Variants in CTNNA3 observed in about 807,000 individuals in gnomAD.
CTNNA3 encodes the protein catenin alpha-3.
Under a neutral mutation model 95.7 loss-of-function variants are expected in CTNNA3, and 76 were observed. That is an observed-to-expected ratio of 0.79 (90% confidence interval 0.66 to 0.96). The LOEUF (loss-of-function observed/expected upper bound fraction) is 0.96, where lower values mean the gene tolerates loss of function less well. Among genes scored for constraint, CTNNA3 ranks in the 40% least tolerant of loss-of-function variants. The probability of loss-of-function intolerance (pLI) is 0.00; values close to 1 mark genes in which losing one functional copy is unlikely to be tolerated. For synonymous variants in CTNNA3, 431 were observed against 374.4 expected (o/e 1.15, Z -1.74); for missense variants, 1,191 against 1,089.8 (o/e 1.09, Z -1.31).
At chr10:65,963,565 T>A (rs770554112) in intron 17 of CTNNA3, among the ~76,000 whole-genome samples, 4 of 152,224 alleles carry the variant, frequency 2.6e-5, no homozygotes, top group Non-Finnish European at 4.4e-5. Context: ...TGTTGTATGG[T>A]TTATTACAGT....
At chr10:66,198,480 G>A (rs978171406) in intron 13 of CTNNA3, among the ~76,000 whole-genome samples, 11 of 152,054 alleles carry the variant, frequency 7.2e-5, no homozygotes, top group Non-Finnish European at 1.0e-4. Context: ...ACATAGATGA[G>A]TATCACTTAG....
intron 7 of CTNNA3, among the ~76,000 whole-genome samples, chr10:67,086,878 C>A (rs1857342085): frequency 6.6e-6 from 1 of 151,730 alleles, no homozygotes; most frequent in African/African-American, 2.4e-5. Flanking sequence ...AAACCTAGAC[C>A]AAAAACATTA....
At chr10:67,305,365 AAAAAAAAAAAATT>A (rs1840505674) in intron 5 of CTNNA3, among the ~76,000 whole-genome samples, 1 of 31,876 alleles carries the variant, frequency 3.1e-5, no homozygotes, top group African/African-American at 2.3e-4. Flanking sequence ...AGAGTATAAT[AAAAAAAAAAAATT>A]AAAAAAAAAA....
chr10:67,521,287 T>C (rs1033010229), intron 5 of CTNNA3, among the ~76,000 whole-genome samples: 1 of 152,210 alleles, frequency 6.6e-6, no homozygotes, highest in Non-Finnish European at 1.5e-5. Context: ...TCTCTATTTA[T>C]CTAGGGGCCT....
chr10:66,074,466 T>C (rs2080507800), intron 14 of CTNNA3, among the ~76,000 whole-genome samples: 1 of 151,822 alleles, frequency 6.6e-6, no homozygotes, highest in Non-Finnish European at 1.5e-5. Context: ...TTCAACACAC[T>C]GTACCCTCAA....
At chr10:67,631,900 T>C (rs762248889) in intron 2 of CTNNA3, among the ~76,000 whole-genome samples, 5 of 152,184 alleles carry the variant, frequency 3.3e-5, no homozygotes, top group Non-Finnish European at 5.9e-5. Flanking sequence ...ATCTCACTTA[T>C]ATGTGAAATC....
intron 13 of CTNNA3, among the ~76,000 whole-genome samples, chr10:66,142,751 A>C (rs918601565): frequency 1.3e-5 from 2 of 152,128 alleles, no homozygotes; most frequent in Non-Finnish European, 2.9e-5. Flanking sequence ...ACCACAATGC[A>C]TAATACTTGT....
chr10:66,583,312 TTG>T (rs1843254225), intron 10 of CTNNA3, among the ~76,000 whole-genome samples: 1 of 151,012 alleles, frequency 6.6e-6, no homozygotes, highest in African/African-American at 2.4e-5. Context: ...GTTGTTGTTG[TTG>T]TTGTTGTTGT....
chr10:67,337,064 T>C (rs1368876336), intron 5 of CTNNA3, among the ~76,000 whole-genome samples: 1 of 152,154 alleles, frequency 6.6e-6, no homozygotes, highest in Non-Finnish European at 1.5e-5. Flanking sequence ...GCCTTATTAT[T>C]TAATAAATAC....
At chr10:67,422,815 T>C (rs1181135812) in intron 5 of CTNNA3, among the ~76,000 whole-genome samples, 2 of 152,170 alleles carry the variant, frequency 1.3e-5, no homozygotes, top group South Asian at 4.1e-4. Flanking sequence ...CCATTCAACC[T>C]CTTTTCTTCA....
chr10:65,923,824 A>G (rs2077125461), intron 17 of CTNNA3, among the ~76,000 whole-genome samples: 1 of 152,220 alleles, frequency 6.6e-6, no homozygotes, highest in Non-Finnish European at 1.5e-5. Flanking sequence ...GTAACACTAC[A>G]GAAAGGGCCA....
chr10:67,503,161 G>A (rs557685031), intron 5 of CTNNA3, among the ~76,000 whole-genome samples: 3 of 152,298 alleles, frequency 2.0e-5, no homozygotes, highest in African/African-American at 7.2e-5. Context: ...CATAGTGTCT[G>A]GGCCGGAATG....
chr10:66,601,842 C>T (rs762574235), intron 10 of CTNNA3, among the ~76,000 whole-genome samples: 2 of 151,790 alleles, frequency 1.3e-5, no homozygotes, highest in Non-Finnish European at 2.9e-5. Flanking sequence ...AGATCGTCGC[C>T]CCAACCAGCT....
chr10:66,258,889 C>T (rs1183265155), intron 13 of CTNNA3, among the ~76,000 whole-genome samples: 1 of 152,122 alleles, frequency 6.6e-6, no homozygotes, highest in Non-Finnish European at 1.5e-5. Context: ...CTTTTCTGTA[C>T]AGGAATGCGG....
intron 13 of CTNNA3, among the ~76,000 whole-genome samples, chr10:66,237,565 T>TTC: frequency 6.7e-6 from 1 of 149,576 alleles, no homozygotes; most frequent in Non-Finnish European, 1.5e-5. Flanking sequence ...GTTTTGTGAT[T>TTC]TTTTTTTTTA....
intron 5 of CTNNA3, among the ~76,000 whole-genome samples, chr10:67,296,934 CAAAAA>C (rs1210482029): frequency 6.8e-4 from 12 of 17,664 alleles, no homozygotes; most frequent in South Asian, 2.7e-3. Context: ...AACGCTGTCT[CAAAAA>C]AAAAAAAAAA....
intron 10 of CTNNA3, among the ~76,000 whole-genome samples, chr10:66,583,277 G>A (rs2132204674): frequency 6.9e-6 from 1 of 145,510 alleles, no homozygotes; most frequent in South Asian, 2.2e-4. Flanking sequence ...GACTGTTTTT[G>A]TTTGTTTGCA....
At chr10:65,962,288 C>A (rs1177006494) in intron 17 of CTNNA3, among the ~76,000 whole-genome samples, 4 of 152,148 alleles carry the variant, frequency 2.6e-5, no homozygotes, top group Non-Finnish European at 4.4e-5. Context: ...ATTCAACAAG[C>A]AAAACCTGAA....
intron 7 of CTNNA3, among the ~76,000 whole-genome samples, chr10:66,868,123 G>A (rs1333586010): frequency 1.3e-5 from 2 of 150,356 alleles, no homozygotes; most frequent in Admixed American, 6.7e-5. Context: ...TTGGGAGGCT[G>A]AGACAGGTGG....
Sources: gnomAD v4.1 joint callset for allele counts (sites outside exome capture counted in the v4.1 genomes callset) on GRCh38, gnomAD v4.1.1 for gene constraint, MANE v1.5 for transcripts, NCBI Gene and HGNC (gene_info 2026-07-23, HGNC 2026-07-21) for gene names.